The following LRCH1 variants were observed in gnomAD, a reference collection of about 807,000 sequenced individuals.
LRCH1 encodes leucine rich repeats and calponin homology domain containing 1.
Under a neutral mutation model 94.9 loss-of-function variants are expected in LRCH1, and 23 were observed. The ratio of observed to expected loss-of-function variants is 0.24; its 90% CI spans 0.17 to 0.34. LRCH1 has a LOEUF of 0.34. Ranked by LOEUF, LRCH1 falls within the 10% of genes least tolerant of loss-of-function variation. LRCH1 has a pLI of 1.00. For missense variants in LRCH1, 790 were observed against 945.9 expected, an observed-to-expected ratio of 0.84 and a Z score of 2.16; for synonymous variants, 364 against 354.9, an observed-to-expected ratio of 1.03 and a Z score of -0.29.
intron 3 of LRCH1, among the ~76,000 whole-genome samples, chr13:46,671,795 A>C (rs1172156410): frequency 1.3e-5 from 2 of 152,316 alleles, no homozygotes; most frequent in South Asian, 4.1e-4. Flanking sequence ...TTCACAGCAA[A>C]ATTGAGAGGA....
Position 46,744,669 on chromosome 13 carries a change from T to C in LRCH1, c.*2821T>C, listed in dbSNP as rs1278834472. 2 of 985,450 alleles carry C rather than the reference T, an allele frequency of 2.0e-6. No individual in the cohort carries two copies. The highest frequency in any genetic ancestry group is 2.4e-6 in the Non-Finnish European group (2 of 829,928). 61.0% of individuals were successfully genotyped at this position (985,450 alleles called of 1,614,324 possible). ...CTAGCGCGTGGTGAGCTGGGTTATC[T>C]CTCGAAAACTCATGTAGATGCCTGA... On this transcript the variant is annotated 3_prime_UTR_variant, in exon 20 of 20. Coordinates refer to ENST00000389797, the MANE Select transcript of LRCH1 (RefSeq NM_001164211.2).
chr13:46,749,240 A>G (rs1209824139), downstream of LRCH1, among the ~76,000 whole-genome samples: 2 of 152,344 alleles, frequency 1.3e-5, no homozygotes, highest in African/African-American at 4.8e-5. Context: ...TTGCAACAAC[A>G]TGGATGAACC....
At chr13:46,664,457 A>G (rs968566855) in intron 2 of LRCH1, among the ~76,000 whole-genome samples, 4 of 152,182 alleles carry the variant, frequency 2.6e-5, no homozygotes, top group Non-Finnish European at 2.9e-5. Context: ...ACAGTTGCCT[A>G]CAGTATTCAG....
At chr13:46,750,087 A>T (rs1216419035) in intron 18 of LRCH1, among the ~76,000 whole-genome samples, 1 of 152,204 alleles carries the variant, frequency 6.6e-6, no homozygotes, top group Non-Finnish European at 1.5e-5. Context: ...AGGTCACAGG[A>T]AGTAAAATGA....
chr13:46,603,119 A>G (rs762929421), intron 1 of LRCH1, among the ~76,000 whole-genome samples: 8 of 151,972 alleles, frequency 5.3e-5, no homozygotes, highest in Non-Finnish European at 1.0e-4. Context: ...TGTGCTTTCT[A>G]TGATCTAGGG....
chr13:46,623,693 G>GTTTTTTTTT (rs5803361), intron 1 of LRCH1, among the ~76,000 whole-genome samples: 16 of 128,490 alleles, frequency 1.2e-4, no homozygotes, highest in East Asian at 4.5e-4. Flanking sequence ...CCCTGTCTCT[G>GTTTTTTTTT]TTTTTTTTTT....
chr13:46,655,277 G>A (rs1209659353), intron 2 of LRCH1, among the ~76,000 whole-genome samples: 1 of 152,082 alleles, frequency 6.6e-6, no homozygotes, highest in Non-Finnish European at 1.5e-5. Context: ...CTAAATTAGA[G>A]ATAAATTTAA....
intron 13 of LRCH1, 162 bp downstream of exon 13, chr13:46,705,466 G>A: frequency 1.3e-6 from 1 of 760,204 alleles, no homozygotes; most frequent in South Asian, 1.4e-5. Context: ...TTATACGTTT[G>A]CCTCTTTAGT....
chr13:46,679,715 C>T (rs1444550135), intron 3 of LRCH1: 1 of 152,402 alleles, frequency 6.6e-6, no homozygotes, highest in Non-Finnish European at 1.5e-5. Flanking sequence ...CCCGTGCCAC[C>T]CCACCTCCCC....
chr13:46,634,296 A>C (rs554635196), intron 1 of LRCH1, among the ~76,000 whole-genome samples: 3 of 152,328 alleles, frequency 2.0e-5, no homozygotes, highest in Non-Finnish European at 2.9e-5. Context: ...AAGGTCTGCG[A>C]ATTCTACCTC....
downstream of LRCH1, among the ~76,000 whole-genome samples, chr13:46,749,350 G>A (rs1376339361): frequency 6.6e-6 from 1 of 152,170 alleles, no homozygotes; most frequent in Non-Finnish European, 1.5e-5. Flanking sequence ...ATTCACAAAA[G>A]CAGAGAGTAG....
chr13:46,741,694 G>A lies in LRCH1; in HGVS notation c.2138G>A (p.Arg713Gln), dbSNP rs767736369. 6.2e-6 allele frequency: 10 copies of A among 1,614,158 alleles called. No individual in the cohort carries two copies. Among genetic ancestry groups the A allele is most frequent in the Middle Eastern group, 1.7e-4 (1 of 6,060 alleles). Residue 713 changes from arginine to glutamine, a missense_variant, in exon 20 of 20, where the codon CGA (arginine) becomes CAA (glutamine). By Grantham distance (43) the Arg-to-Gln change is conservative. Transcript: ENST00000389797. ...DILQLDFRHI[R>Q]KTVDTLLALG... ...CTGCAGTTGGATTTTCGTCACATTC[G>A]AAAGACTGTTGACACTCTGCTGGCA...
chr13:46,746,301 A>G (rs748275795), downstream of LRCH1, among the ~76,000 whole-genome samples: 3 of 152,238 alleles, frequency 2.0e-5, no homozygotes, highest in Non-Finnish European at 2.9e-5. Context: ...TGCCAGGCAC[A>G]TAGGAGGTAG....
intron 1 of LRCH1, among the ~76,000 whole-genome samples, chr13:46,628,364 A>AT (rs2050976048): frequency 6.6e-6 from 1 of 152,118 alleles, no homozygotes. Flanking sequence ...CCAACCGGGC[A>AT]TGGTGGCTCA....
intron 1 of LRCH1, among the ~76,000 whole-genome samples, chr13:46,606,960 A>C (rs1355370803): frequency 6.6e-6 from 1 of 152,166 alleles, no homozygotes; most frequent in Non-Finnish European, 1.5e-5. Context: ...ATTTGGGTGA[A>C]GAGGAAGAGA....
chr13:46,642,987 G>A (rs1340122516), intron 1 of LRCH1, among the ~76,000 whole-genome samples: 1 of 152,178 alleles, frequency 6.6e-6, no homozygotes, highest in African/African-American at 2.4e-5. Context: ...CTCATAAGCC[G>A]ATTCACTAAC....
rs529973275 is a variant in LRCH1, at chr13:46,585,784, C to T, written c.307+32081C>T. ...TCCCCCTGCCCACCCCCACCTTCCT[C>T]GGCTATTGATGTAATAAATGTAATT... On this transcript the variant is annotated intron_variant, in intron 1 of 19. Transcript: ENST00000389797. 3.0e-4 allele frequency among the ~76,000 whole-genome samples: 45 copies of T among 151,842 alleles called. No individual in the cohort carries two copies. The South Asian group carries it at 9.0e-3, about 30-fold the overall frequency.
At chr13:46,667,655 A>G (rs533017872) in intron 2 of LRCH1, among the ~76,000 whole-genome samples, 1 of 152,246 alleles carries the variant, frequency 6.6e-6, no homozygotes, top group African/African-American at 2.4e-5. Context: ...GTGCACATGT[A>G]CCCTAGAACT....
chr13:46,628,643 C>G (rs1474817750), intron 1 of LRCH1, among the ~76,000 whole-genome samples: 2 of 137,906 alleles, frequency 1.5e-5, no homozygotes, highest in African/African-American at 5.6e-5. Context: ...GGCGACAGAG[C>G]GATTCTCTGT....
Sources: allele counts gnomAD v4.1 joint callset (sites outside exome capture counted in the v4.1 genomes callset), GRCh38; gene constraint gnomAD v4.1.1; transcripts MANE v1.5; gene names NCBI Gene and HGNC (gene_info 2026-07-23, HGNC 2026-07-21).